Variants in CAB39L observed in about 807,000 individuals in gnomAD.
CAB39L encodes the protein calcium binding protein 39 like, also known as calcium-binding protein 39-like.
CAB39L carries 23 observed loss-of-function variants against 39.1 expected under a neutral mutation model. The ratio of observed to expected loss-of-function variants is 0.59; its 90% CI spans 0.42 to 0.83. The LOEUF (loss-of-function observed/expected upper bound fraction) is 0.83, where lower values mean the gene tolerates loss of function less well. Ranked by LOEUF, CAB39L falls within the 40% of genes least tolerant of loss-of-function variation. The pLI, the probability that CAB39L is intolerant of heterozygous loss-of-function variation, is 0.00. For synonymous variants in CAB39L, 126 were observed against 137.2 expected, an observed-to-expected ratio of 0.92 and a Z score of 0.57; for missense variants, 366 against 391.9, an observed-to-expected ratio of 0.93 and a Z score of 0.56.
intron 3 of CAB39L, among the ~76,000 whole-genome samples, chr13:49,429,535 GTTTAT>G (rs1472637607): frequency 6.6e-6 from 1 of 151,900 alleles, no homozygotes; most frequent in Non-Finnish European, 1.5e-5. Context: ...TCCTTACTTA[GTTTAT>G]TTTATTAGGA....
intron 10 of CAB39L, among the ~76,000 whole-genome samples, chr13:49,320,553 A>C (rs1954309892): frequency 6.6e-6 from 1 of 152,190 alleles, no homozygotes; most frequent in Admixed American, 6.5e-5. Flanking sequence ...ATATCCATTA[A>C]TTTCATTCAA....
At chr13:49,349,161 G>A (rs781494590) in intron 7 of CAB39L, among the ~76,000 whole-genome samples, 2 of 152,078 alleles carry the variant, frequency 1.3e-5, no homozygotes, top group African/African-American at 2.4e-5. Flanking sequence ...CCTCTGGAGA[G>A]CTATTTAAAA....
At chr13:49,368,775 T>A (rs186434354) in intron 5 of CAB39L, among the ~76,000 whole-genome samples, 4 of 152,194 alleles carry the variant, frequency 2.6e-5, no homozygotes, top group Admixed American at 2.6e-4. Context: ...ATGGAAGTAT[T>A]AACTCAAATC....
At position 49,443,339 on chromosome 13, in the gene CAB39L, G is replaced by GAA. The variant is rs77538575; in HGVS notation, c.-246+645_-246+646dup. On this transcript the variant is annotated intron_variant, in intron 1 of 10. Coordinates refer to ENST00000409308, the MANE Select transcript of CAB39L (RefSeq NM_001079670.3). ...CCACCACTTTCTAGCTTAAAATAAA[G>GAA]AAAAAAAAAAGACAGCTGCAGGAAT... Among the ~76,000 whole-genome samples the GAA allele has an allele frequency of 6.6e-3, 979 of 149,204 alleles. 3 individuals carry two copies. The highest frequency in any genetic ancestry group is 9.7e-3 in the Non-Finnish European group (653 of 67,332).
chr13:49,423,353 T>C (rs976404842), intron 3 of CAB39L, among the ~76,000 whole-genome samples: 1 of 152,108 alleles, frequency 6.6e-6, no homozygotes, highest in African/African-American at 2.4e-5. Context: ...AATATAATAA[T>C]AAAGGTCAGC....
rs117458798 is a variant in CAB39L at position 49,333,211 on chromosome 13, G to A, written c.691-1121C>T. Among the ~76,000 whole-genome samples, 653 of 152,302 alleles carry A rather than the reference G, an allele frequency of 4.3e-3. 9 individuals carry two copies. The East Asian group carries it at 0.055, about 13-fold the overall frequency. On this transcript the variant is annotated intron_variant, in intron 9 of 10. Coordinates refer to ENST00000409308, the MANE Select transcript of CAB39L (RefSeq NM_001079670.3). ...CCTGTTGGATGTTGGCTGGTCACTA[G>A]TTATTCTCATACACATGGAATAGCA...
At chr13:49,434,473 GCTT>G (rs1247575659) in intron 1 of CAB39L, among the ~76,000 whole-genome samples, 1 of 152,062 alleles carries the variant, frequency 6.6e-6, no homozygotes, top group East Asian at 1.9e-4. Flanking sequence ...GTAATTTTAT[GCTT>G]CATTTTCACT....
intron 9 of CAB39L, among the ~76,000 whole-genome samples, chr13:49,335,388 G>A (rs1402372507): frequency 6.6e-6 from 1 of 152,098 alleles, no homozygotes; most frequent in Admixed American, 6.5e-5. Flanking sequence ...TCTGCTAATA[G>A]AATTTCACAA....
intron 5 of CAB39L, among the ~76,000 whole-genome samples, chr13:49,371,710 C>T (rs1955923323): frequency 6.6e-6 from 1 of 151,968 alleles, no homozygotes; most frequent in Non-Finnish European, 1.5e-5. Flanking sequence ...GATTCTTCCA[C>T]CTTAGCCTCC....
chr13:49,394,434 G>A (rs1956561725), intron 3 of CAB39L, among the ~76,000 whole-genome samples: 1 of 151,940 alleles, frequency 6.6e-6, no homozygotes, highest in South Asian at 2.1e-4. Context: ...TTTCTTACTG[G>A]TGCAGATATA....
At chr13:49,421,211 G>A (rs1299914783) in intron 3 of CAB39L, among the ~76,000 whole-genome samples, 1 of 152,032 alleles carries the variant, frequency 6.6e-6, no homozygotes, top group Admixed American at 6.6e-5. Flanking sequence ...CCCGCCCCTG[G>A]AAAAAGACTG....
At chr13:49,427,131 A>G (rs1023419598) in intron 3 of CAB39L, among the ~76,000 whole-genome samples, 2 of 152,152 alleles carry the variant, frequency 1.3e-5, no homozygotes, top group African/African-American at 4.8e-5. Flanking sequence ...TCAGTTCATT[A>G]TGTGCATTCT....
At chr13:49,402,481 T>G (rs1956795152) in intron 3 of CAB39L, among the ~76,000 whole-genome samples, 1 of 152,188 alleles carries the variant, frequency 6.6e-6, no homozygotes, top group African/African-American at 2.4e-5. Context: ...CCCAGAACAC[T>G]TTTAGGTTCT....
chr13:49,322,431 T>G (rs752362157), intron 10 of CAB39L, among the ~76,000 whole-genome samples: 1 of 152,226 alleles, frequency 6.6e-6, no homozygotes, highest in Non-Finnish European at 1.5e-5. Flanking sequence ...CGACTGCTCA[T>G]TACAGTTGCT....
intron 7 of CAB39L, among the ~76,000 whole-genome samples, chr13:49,346,367 C>A (rs1443372169): frequency 1.4e-5 from 2 of 145,490 alleles, no homozygotes; most frequent in East Asian, 4.0e-4. Context: ...AAAAAAACAG[C>A]TAGGATCCTA....
At chr13:49,316,376 T>C (rs1189193323) in intron 10 of CAB39L, among the ~76,000 whole-genome samples, 1 of 152,192 alleles carries the variant, frequency 6.6e-6, no homozygotes, top group Non-Finnish European at 1.5e-5. Flanking sequence ...ATGGCTTCAC[T>C]AGTAAATTCT....
chr13:49,332,590 T>C (rs1954740043), intron 9 of CAB39L, among the ~76,000 whole-genome samples: 1 of 152,116 alleles, frequency 6.6e-6, no homozygotes, highest in Non-Finnish European at 1.5e-5. Context: ...TGACCCCAAA[T>C]CTGTATCAAA....
At chr13:49,376,867 A>G (rs918154982) in intron 5 of CAB39L, 100 bp downstream of exon 5, 4 of 823,650 alleles carry the variant, frequency 4.9e-6, no homozygotes, top group Admixed American at 5.6e-5. Flanking sequence ...ATGGAAAGCC[A>G]TAATGAAAAG....
intron 3 of CAB39L, among the ~76,000 whole-genome samples, chr13:49,429,012 AATTAAT>A (rs911142969): frequency 1.4e-4 from 22 of 152,360 alleles, no homozygotes; most frequent in African/African-American, 4.8e-4. Flanking sequence ...AAAAATGCTA[AATTAAT>A]ATTCCTCACT....
Sources: allele counts gnomAD v4.1 joint callset (sites outside exome capture counted in the v4.1 genomes callset), GRCh38; gene constraint gnomAD v4.1.1; transcripts MANE v1.5; gene names NCBI Gene and HGNC (gene_info 2026-07-23, HGNC 2026-07-21).